Variants in DCC observed in about 807,000 individuals in gnomAD.
DCC encodes netrin receptor DCC.
A neutral mutation model predicts 172.5 loss-of-function variants in DCC; 58 were observed. The ratio of observed to expected loss-of-function variants is 0.34; its 90% CI spans 0.27 to 0.42. DCC has a LOEUF of 0.42. Ranked by LOEUF, DCC falls within the 10% of genes least tolerant of loss-of-function variation. The probability of loss-of-function intolerance (pLI) is 1.00; values close to 1 mark genes in which losing one functional copy is unlikely to be tolerated. For missense variants in DCC, 1,740 were observed against 1,791.0 expected, an observed-to-expected ratio of 0.97 and a Z score of 0.51; for synonymous variants, 709 against 644.5, an observed-to-expected ratio of 1.10 and a Z score of -1.52.
At chr18:53,135,138 C>A (rs1173058881) in intron 7 of DCC, among the ~76,000 whole-genome samples, 1 of 152,168 alleles carries the variant, frequency 6.6e-6, no homozygotes, top group African/African-American at 2.4e-5. Context: ...ACCCTCTCTG[C>A]ACCCTTGCTT....
chr18:52,483,544 C>T (rs556467042), intron 1 of DCC, among the ~76,000 whole-genome samples: 2 of 152,102 alleles, frequency 1.3e-5, no homozygotes, highest in Non-Finnish European at 2.9e-5. Flanking sequence ...GTAAATCATA[C>T]TTCTTGAACG....
At chr18:53,166,162 A>G (rs549562962) in intron 8 of DCC, among the ~76,000 whole-genome samples, 5 of 152,188 alleles carry the variant, frequency 3.3e-5, no homozygotes, top group African/African-American at 1.2e-4. Context: ...ATGGTGAGGG[A>G]GTAGGGGTTG....
chr18:53,320,070 C>CTTTTTT (rs35150045), intron 13 of DCC, among the ~76,000 whole-genome samples: 1 of 109,626 alleles, frequency 9.1e-6, no homozygotes, highest in Non-Finnish European at 1.8e-5. Flanking sequence ...CGCAAGAGTA[C>CTTTTTT]TTTTTTTTTT....
At chr18:52,721,915 T>C (rs771844142) in intron 1 of DCC, among the ~76,000 whole-genome samples, 1 of 152,036 alleles carries the variant, frequency 6.6e-6, no homozygotes. Context: ...TCCCAGCTAC[T>C]TGGGAGGCTG....
intron 5 of DCC, among the ~76,000 whole-genome samples, chr18:52,968,557 T>C (rs556184366): frequency 6.6e-6 from 1 of 152,212 alleles, no homozygotes; most frequent in South Asian, 2.1e-4. Context: ...CATTGCCCTC[T>C]TCATATCACA....
intron 7 of DCC, among the ~76,000 whole-genome samples, chr18:53,091,397 AATAT>A (rs148050916): frequency 0.09 from 13,321 of 148,008 alleles, 780 homozygotes; most frequent in Non-Finnish European, 0.14. Context: ...ATTATATATA[AATAT>A]ATATGTATAT....
At chr18:53,403,290 TG>T in intron 19 of DCC, among the ~76,000 whole-genome samples, 1 of 53,828 alleles carries the variant, frequency 1.9e-5, no homozygotes, top group Non-Finnish European at 7.3e-5. Context: ...TTAATGACTG[TG>T]TTTGTGTGTG....
At chr18:52,362,786 C>T (rs923137313) in intron 1 of DCC, among the ~76,000 whole-genome samples, 1 of 152,110 alleles carries the variant, frequency 6.6e-6, no homozygotes, top group African/African-American at 2.4e-5. Context: ...TTTAGCCCCC[C>T]CCACTCCCCT....
chr18:53,509,328 C>CCAAA (rs1460319196), intron 27 of DCC, among the ~76,000 whole-genome samples: 3 of 152,198 alleles, frequency 2.0e-5, no homozygotes, highest in African/African-American at 7.2e-5. Context: ...TGGGTAATGT[C>CCAAA]CAAACATGAT....
At chr18:53,364,232 A>G (rs2057977487) in intron 15 of DCC, among the ~76,000 whole-genome samples, 1 of 152,130 alleles carries the variant, frequency 6.6e-6, no homozygotes, top group Non-Finnish European at 1.5e-5. Context: ...CTCAATTTCC[A>G]CACCGTCAAA....
chr18:52,468,198 A>G (rs562016423), intron 1 of DCC, among the ~76,000 whole-genome samples: 4 of 152,232 alleles, frequency 2.6e-5, no homozygotes, highest in Non-Finnish European at 5.9e-5. Context: ...TATAATCAAA[A>G]TATGAAACAA....
chr18:53,101,598 A>C (rs943019295), intron 7 of DCC, among the ~76,000 whole-genome samples: 4 of 152,158 alleles, frequency 2.6e-5, no homozygotes, highest in African/African-American at 9.6e-5. Context: ...TTGATTTCCC[A>C]TAAGGCTACT....
Position 53,244,566 on chromosome 18 carries a change from T to C in DCC, c.1911+28969T>C, listed in dbSNP as rs2056343461. ...CTAGGGATTTGACTTGACTGAAGAA[T>C]ACAAGATGACTTACTTGCATTGTTG... On this transcript the variant is annotated intron_variant, in intron 12 of 28. Coordinates refer to ENST00000442544, the MANE Select transcript of DCC (RefSeq NM_005215.4). Among the ~76,000 whole-genome samples the C allele has an allele frequency of 2.0e-5, 3 of 152,156 alleles. No homozygotes were observed. The South Asian group carries it at 6.2e-4, about 32-fold the overall frequency.
chr18:53,244,912 G>A (rs2056347719), intron 12 of DCC, among the ~76,000 whole-genome samples: 1 of 152,088 alleles, frequency 6.6e-6, no homozygotes, highest in Non-Finnish European at 1.5e-5. Flanking sequence ...CCTGCCTTTA[G>A]GGGATAAAAG....
chr18:52,609,412 G>T (rs1333302299), intron 1 of DCC, among the ~76,000 whole-genome samples: 1 of 78,188 alleles, frequency 1.3e-5, no homozygotes, highest in African/African-American at 4.2e-5. Flanking sequence ...AGTATGCCGG[G>T]TGGCTTAAGC....
At chr18:53,199,721 A>C (rs2055506222) in intron 9 of DCC, among the ~76,000 whole-genome samples, 1 of 152,144 alleles carries the variant, frequency 6.6e-6, no homozygotes, top group Non-Finnish European at 1.5e-5. Context: ...CAAGTGAAAC[A>C]CAGAGCCTCG....
At chr18:52,768,738 TTCTG>T (rs1203279045) in intron 2 of DCC, among the ~76,000 whole-genome samples, 1 of 152,176 alleles carries the variant, frequency 6.6e-6, no homozygotes, top group African/African-American at 2.4e-5. Flanking sequence ...TTTTCCACCT[TTCTG>T]TCATTATTTA....
chr18:53,348,861 C>T (rs1263790118), intron 15 of DCC, among the ~76,000 whole-genome samples: 4 of 152,178 alleles, frequency 2.6e-5, no homozygotes, highest in Non-Finnish European at 4.4e-5. Context: ...GCCCAGCCCA[C>T]AGAACCACTT....
At chr18:52,900,204 G>A (rs750460726) in intron 2 of DCC, among the ~76,000 whole-genome samples, 6 of 152,188 alleles carry the variant, frequency 3.9e-5, no homozygotes, top group Non-Finnish European at 8.8e-5. Context: ...CTGAAGAGCT[G>A]CAAATAGGGT....
Sources: gnomAD v4.1 joint callset for allele counts (sites outside exome capture counted in the v4.1 genomes callset) on GRCh38, gnomAD v4.1.1 for gene constraint, MANE v1.5 for transcripts, NCBI Gene and HGNC (gene_info 2026-07-23, HGNC 2026-07-21) for gene names.